DOCK4: variants seen among roughly 807,000 people sequenced by gnomAD.
DOCK4 encodes the protein dedicator of cytokinesis 4, also known as dedicator of cytokinesis protein 4.
A neutral mutation model predicts 268.1 loss-of-function variants in DOCK4; 97 were observed. That is an observed-to-expected ratio of 0.36 (90% CI 0.31 to 0.43). The LOEUF is 0.43. DOCK4 is among the 20% of genes least tolerant of loss of function. The pLI is 1.00. For synonymous variants in DOCK4, 954 were observed against 887.2 expected (o/e 1.08, Z -1.34); for missense variants, 2,145 against 2,455.7 (o/e 0.87, Z 2.67).
chr7:112,165,008 G>A (rs1817465463), intron 1 of DOCK4, among the ~76,000 whole-genome samples: 1 of 152,122 alleles, frequency 6.6e-6, no homozygotes, highest in East Asian at 1.9e-4. Context: ...TTAATATTAT[G>A]TAGAATATCA....
At chr7:112,066,303 T>C (rs570751154) in intron 1 of DOCK4, among the ~76,000 whole-genome samples, 11 of 152,142 alleles carry the variant, frequency 7.2e-5, no homozygotes, top group African/African-American at 2.4e-4. Flanking sequence ...TCCTTGGACA[T>C]AAGTCCAGGT....
intron 9 of DOCK4, 25 bp downstream of exon 9, chr7:111,945,692 T>A: frequency 1.3e-6 from 2 of 1,564,402 alleles, no homozygotes; most frequent in Non-Finnish European, 1.7e-6. Context: ...GAATCTGCCT[T>A]ATGAATGAAA....
In DOCK4 at chr7:111,838,565, A is replaced by C. The variant is rs1318493581; in HGVS notation, c.2737-3879T>G. Among the ~76,000 whole-genome samples, 10 of 152,298 alleles carry C rather than the reference A, an allele frequency of 6.6e-5. No individual in the cohort carries two copies. The East Asian group carries it at 9.6e-4, about 15-fold the overall frequency. On this transcript the variant is annotated intron_variant, in intron 25 of 52. Transcript: ENST00000428084. ...AGAATCCCCTGCCCCTATGCCCCCC[A>C]AAAAACTATGTAGTATATGATTAAT...
At chr7:111,823,455 A>G (rs1586095122) in intron 26 of DOCK4, among the ~76,000 whole-genome samples, 1 of 151,768 alleles carries the variant, frequency 6.6e-6, no homozygotes, top group East Asian at 1.9e-4. Context: ...TGATCCGCCC[A>G]CCTCGGCCTC....
rs1009785341 is a variant in DOCK4 at position 111,896,505 on chromosome 7, T to C, written c.1481-787A>G. Among the ~76,000 whole-genome samples, 3 of 151,856 alleles carry C rather than the reference T, an allele frequency of 2.0e-5. 1 individual carries two copies. The South Asian group carries it at 6.2e-4, about 32-fold the overall frequency. On this transcript the variant is annotated intron_variant, in intron 15 of 52. Transcript: ENST00000428084. The stretch of plus-strand genomic sequence containing the variant: ...CACCAAGGTTTTTTTTTTTTTTTTT[T>C]TCCTCCAAAAATGGAGAAAGCATTA...
At chr7:111,983,360 T>C (rs1397183558) in intron 7 of DOCK4, among the ~76,000 whole-genome samples, 1 of 152,134 alleles carries the variant, frequency 6.6e-6, no homozygotes, top group Admixed American at 6.5e-5. Context: ...GGCAGGATCA[T>C]CCAAAAAGGA....
At chr7:111,756,289 C>T (rs1031391183) in intron 41 of DOCK4, among the ~76,000 whole-genome samples, 3 of 152,150 alleles carry the variant, frequency 2.0e-5, no homozygotes, top group African/African-American at 7.2e-5. Context: ...GTGGAGCTTG[C>T]AGTAAGCCGA....
intron 13 of DOCK4, among the ~76,000 whole-genome samples, chr7:111,912,184 A>C (rs907443768): frequency 2.6e-5 from 4 of 152,218 alleles, no homozygotes; most frequent in Admixed American, 2.6e-4. Flanking sequence ...TCTCATAGCT[A>C]TGCCAGGTGC....
Position 111,758,640 on chromosome 7 carries a change from T to C in DOCK4, c.4313A>G (p.Lys1438Arg). Reference sequence around the variant, plus strand: ...GCATGGTACCTTGAATTCATTCTCTTTATCTTTTGTGCCTTTGTGAAATGG... The same window carrying C: ...GCATGGTACCTTGAATTCATTCTCTCTATCTTTTGTGCCTTTGTGAAATGG... ...DRPFHKGTKD[K>R]ENEFKSLWVE... The change falls in exon 41 of 53, where the codon AAA (lysine) becomes AGA (arginine). Residue 1438 changes from lysine to arginine, a missense_variant. Lys to Arg is a conservative substitution (Grantham distance 26). Coordinates refer to ENST00000428084, the MANE Select transcript of DOCK4 (RefSeq NM_001363540.2). 1 of 1,613,976 alleles carries C rather than the reference T, an allele frequency of 6.2e-7. No individual in the cohort carries two copies. Among genetic ancestry groups the C allele is most frequent in the Middle Eastern group, 1.6e-4 (1 of 6,062 alleles).
intron 8 of DOCK4, among the ~76,000 whole-genome samples, chr7:111,948,060 G>A (rs1795759077): frequency 6.6e-6 from 1 of 152,128 alleles, no homozygotes; most frequent in African/African-American, 2.4e-5. Context: ...AAAAGGAAAT[G>A]TGCAAGAATT....
intron 16 of DOCK4, among the ~76,000 whole-genome samples, chr7:111,888,416 T>C (rs1225508726): frequency 1.3e-5 from 2 of 151,606 alleles, no homozygotes; most frequent in African/African-American, 2.4e-5. Flanking sequence ...AAAATAGGCA[T>C]AGTTAGAAAA....
intron 15 of DOCK4, among the ~76,000 whole-genome samples, chr7:111,899,644 C>T (rs958359094): frequency 3.9e-5 from 6 of 152,128 alleles, no homozygotes; most frequent in East Asian, 1.9e-4. Flanking sequence ...AAAATGAGGC[C>T]GGGTGTGGTG....
At chr7:111,777,576 GA>G (rs1359893979) in intron 36 of DOCK4, among the ~76,000 whole-genome samples, 1 of 152,176 alleles carries the variant, frequency 6.6e-6, no homozygotes, top group Non-Finnish European at 1.5e-5. Context: ...ATACAGTGGG[GA>G]GGATAATGAG....
intron 12 of DOCK4, among the ~76,000 whole-genome samples, chr7:111,932,391 C>T (rs978159752): frequency 9.2e-5 from 14 of 152,084 alleles, no homozygotes; most frequent in African/African-American, 3.4e-4. Flanking sequence ...ATTAAGGTAA[C>T]AGGACGCATA....
At chr7:112,008,068 A>T (rs1279361632) in intron 1 of DOCK4, among the ~76,000 whole-genome samples, 1 of 152,186 alleles carries the variant, frequency 6.6e-6, no homozygotes, top group Non-Finnish European at 1.5e-5. Context: ...TTTTCTTATA[A>T]ATTGAACAGT....
chr7:111,872,687 TG>T, intron 17 of DOCK4, 123 bp from the exon 18 acceptor site: 1 of 708,060 alleles, frequency 1.4e-6, no homozygotes, highest in Non-Finnish European at 2.3e-6. Flanking sequence ...CCACTCAAGT[TG>T]CAGGCTCCCA....
At chr7:112,019,790 T>C (rs189309712) in intron 1 of DOCK4, among the ~76,000 whole-genome samples, 1 of 152,350 alleles carries the variant, frequency 6.6e-6, no homozygotes, top group Admixed American at 6.5e-5. Context: ...ACTAAATGTT[T>C]GTTCAATCTT....
At chr7:111,960,893 T>C (rs1179805928) in intron 8 of DOCK4, among the ~76,000 whole-genome samples, 1 of 152,214 alleles carries the variant, frequency 6.6e-6, no homozygotes, top group African/African-American at 2.4e-5. Context: ...TATTCCAAAG[T>C]GTATATATAC....
At chr7:112,137,301 A>G (rs1264801517) in intron 1 of DOCK4, among the ~76,000 whole-genome samples, 1 of 152,188 alleles carries the variant, frequency 6.6e-6, no homozygotes, top group Non-Finnish European at 1.5e-5. Context: ...TCCTCCAGCC[A>G]GTCTCAGCAC....
Sources: gnomAD v4.1 joint callset for allele counts (sites outside exome capture counted in the v4.1 genomes callset) on GRCh38, gnomAD v4.1.1 for gene constraint, MANE v1.5 for transcripts, NCBI Gene and HGNC (gene_info 2026-07-23, HGNC 2026-07-21) for gene names.